Variants in HSPA12A observed in about 807,000 individuals in gnomAD.
HSPA12A encodes heat shock 70 kDa protein 12A.
Under a neutral mutation model 69.2 loss-of-function variants are expected in HSPA12A, and 28 were observed. That is an observed-to-expected ratio of 0.40 (90% CI 0.30 to 0.55). The LOEUF (loss-of-function observed/expected upper bound fraction) is 0.55. Among genes scored for constraint, HSPA12A ranks in the 20% least tolerant of loss-of-function variants. The probability of loss-of-function intolerance (pLI) is 0.38; values close to 1 mark genes in which losing one functional copy is unlikely to be tolerated. For missense variants in HSPA12A, 686 were observed against 900.7 expected (o/e 0.76, Z 3.05); for synonymous variants, 345 against 370.5 (o/e 0.93, Z 0.79).
At chr10:116,833,964 C>T (rs1845666083) in intron 2 of HSPA12A, among the ~76,000 whole-genome samples, 2 of 152,318 alleles carry the variant, frequency 1.3e-5, no homozygotes, top group East Asian at 3.9e-4. Flanking sequence ...TGCTAATGGC[C>T]TCCCAGAGAT....
intron 2 of HSPA12A, among the ~76,000 whole-genome samples, chr10:116,786,337 C>G (rs1234427779): frequency 6.6e-6 from 1 of 152,126 alleles, no homozygotes; most frequent in Non-Finnish European, 1.5e-5. Flanking sequence ...CCGCCTTGCC[C>G]CTAGCCTGGG....
intron 2 of HSPA12A, among the ~76,000 whole-genome samples, chr10:116,800,533 G>T (rs1227674659): frequency 6.6e-6 from 1 of 152,234 alleles, no homozygotes; most frequent in Non-Finnish European, 1.5e-5. Flanking sequence ...GAGGGAGCCA[G>T]GAGCTACCCG....
chr10:116,720,256 G>A (rs1203186227), intron 1 of HSPA12A, among the ~76,000 whole-genome samples: 2 of 152,134 alleles, frequency 1.3e-5, no homozygotes, highest in Non-Finnish European at 2.9e-5. Flanking sequence ...CCCACCCTGG[G>A]CACCGCCCCC....
At chr10:116,828,454 C>T (rs758472366) in intron 2 of HSPA12A, among the ~76,000 whole-genome samples, 3 of 152,226 alleles carry the variant, frequency 2.0e-5, no homozygotes, top group Admixed American at 6.5e-5. Context: ...TCAGCCCAGA[C>T]TCCTTTCTTA....
chr10:116,838,139 C>T (rs1845748474), intron 1 of HSPA12A, among the ~76,000 whole-genome samples: 1 of 152,080 alleles, frequency 6.6e-6, no homozygotes, highest in Admixed American at 6.6e-5. Flanking sequence ...AGTAGCTTTG[C>T]CTATTTGATC....
At chr10:116,795,060 G>C (rs1844787809) in intron 2 of HSPA12A, among the ~76,000 whole-genome samples, 1 of 152,052 alleles carries the variant, frequency 6.6e-6, no homozygotes, top group Admixed American at 6.6e-5. Context: ...AGATTAATGA[G>C]GTAAGTATTC....
At position 116,674,842 on chromosome 10, in the gene HSPA12A, G is replaced by A. The variant is rs1849178279; in HGVS notation, c.1967C>T (p.Thr656Ile). The A allele has an allele frequency of 1.2e-6, 2 of 1,613,586 alleles. No individual in the cohort carries two copies. Among genetic ancestry groups the A allele is most frequent in the Admixed American group, 1.7e-5 (1 of 60,008 alleles). Residue 656 changes from threonine (T) to isoleucine (I), a missense_variant, in exon 12 of 12, where the codon ACA (threonine) becomes ATA (isoleucine). Physicochemically the swap from Thr to Ile is moderately conservative, Grantham distance 89 (BLOSUM62 -1). Transcript: ENST00000369209. The part of the protein sequence containing the change: ...MQFGDTEIKA[T>I]AIDIATSKSV... ...CTTCGAAGTGGCTATATCAATGGCT[G>A]TGGCTTTGATCTCGGTGTCCCCGAA...
chr10:116,727,661 G>A (rs1851013329), intron 1 of HSPA12A, among the ~76,000 whole-genome samples: 1 of 151,300 alleles, frequency 6.6e-6, no homozygotes, highest in African/African-American at 2.4e-5. Flanking sequence ...TTTACTTTCA[G>A]TACAGTATTC....
intron 1 of HSPA12A, among the ~76,000 whole-genome samples, chr10:116,711,665 T>TTA: frequency 7.1e-5 from 2 of 28,236 alleles, no homozygotes; most frequent in African/African-American, 1.5e-4. Context: ...TTCTTTTTTT[T>TTA]TCTTTTTTTT....
intron 2 of HSPA12A, among the ~76,000 whole-genome samples, chr10:116,755,817 A>C (rs1391304487): frequency 1.3e-5 from 2 of 151,272 alleles, no homozygotes; most frequent in Non-Finnish European, 2.9e-5. Flanking sequence ...AAAAAAAAAA[A>C]AAAAATACAA....
intron 1 of HSPA12A, among the ~76,000 whole-genome samples, chr10:116,841,787 C>T (rs1845805548): frequency 6.8e-6 from 1 of 147,450 alleles, no homozygotes; most frequent in Non-Finnish European, 1.5e-5. Flanking sequence ...ACTGTTTTTT[C>T]TTTTTTTTTT....
chr10:116,714,543 G>A (rs1358064859), intron 1 of HSPA12A, among the ~76,000 whole-genome samples: 2 of 152,082 alleles, frequency 1.3e-5, no homozygotes, highest in Non-Finnish European at 2.9e-5. Flanking sequence ...CCTGTCCTGG[G>A]CCTGCCCCCT....
chr10:116,801,037 G>A (rs1049189412), intron 2 of HSPA12A, among the ~76,000 whole-genome samples: 1 of 152,178 alleles, frequency 6.6e-6, no homozygotes, highest in Non-Finnish European at 1.5e-5. Context: ...GTGAATCACA[G>A]TTAAATTCTA....
Position 116,679,589 on chromosome 10 carries a change from C to A in HSPA12A, c.1200G>T (p.Pro400=), listed in dbSNP as rs782232321. ...AGGAGAAGGGCAGGGTGATGTTCAG[C>A]GGGTTAGTTCTGTCTGGGGCAGCCG... ...KRAAAPDRTN[P]LNITLPFSFI... The change falls in exon 10 of 12, where the codon CCG becomes CCT. Residue 400 remains proline, a synonymous_variant. Coordinates refer to ENST00000369209, the MANE Select transcript of HSPA12A (RefSeq NM_025015.3). 12 of 1,614,144 alleles carry A rather than the reference C, an allele frequency of 7.4e-6. No homozygotes were observed. Among genetic ancestry groups the A allele is most frequent in the East Asian group, 2.2e-5 (1 of 44,894 alleles).
intron 2 of HSPA12A, among the ~76,000 whole-genome samples, chr10:116,824,421 G>A (rs1048796456): frequency 3.3e-5 from 5 of 152,068 alleles, no homozygotes; most frequent in African/African-American, 4.8e-5. Flanking sequence ...CAAGAGAAGC[G>A]AAAAAATACA....
intron 1 of HSPA12A, among the ~76,000 whole-genome samples, chr10:116,720,290 G>A (rs1850735185): frequency 6.6e-6 from 1 of 152,146 alleles, no homozygotes; most frequent in East Asian, 1.9e-4. Flanking sequence ...CTCTGTGCCT[G>A]GTAGAGTTGG....
At chr10:116,730,944 C>A (rs1402537000) in intron 1 of HSPA12A, among the ~76,000 whole-genome samples, 1 of 152,240 alleles carries the variant, frequency 6.6e-6, no homozygotes, top group African/African-American at 2.4e-5. Flanking sequence ...CCAACGTTTC[C>A]TGGGGGAGAA....
At chr10:116,837,700 G>A (rs1332273470) in intron 1 of HSPA12A, among the ~76,000 whole-genome samples, 1 of 151,774 alleles carries the variant, frequency 6.6e-6, no homozygotes, top group Non-Finnish European at 1.5e-5. Flanking sequence ...GAATATACAT[G>A]ATATCCAGCT....
intron 2 of HSPA12A, among the ~76,000 whole-genome samples, chr10:116,819,972 A>T (rs1253214956): frequency 2.0e-5 from 3 of 152,070 alleles, no homozygotes; most frequent in African/African-American, 7.2e-5. Flanking sequence ...GACTACAGGC[A>T]CATGCCACCA....
Sources: allele counts gnomAD v4.1 joint callset (sites outside exome capture counted in the v4.1 genomes callset), GRCh38; gene constraint gnomAD v4.1.1; transcripts MANE v1.5; gene names NCBI Gene and HGNC (gene_info 2026-07-23, HGNC 2026-07-21).